The following RIT2 variants were observed in gnomAD, a reference collection of about 807,000 sequenced individuals.
RIT2 encodes Ras like without CAAX 2, also known as GTP-binding protein Rit2.
RIT2 carries 24 observed loss-of-function variants against 23.7 expected under a neutral mutation model. The ratio of observed to expected loss-of-function variants is 1.01; its 90% CI spans 0.73 to 1.43. RIT2 has a LOEUF of 1.43. Among genes scored for constraint, RIT2 ranks in the 40% most tolerant of loss-of-function variants. The probability of loss-of-function intolerance (pLI) is 0.00; values close to 1 mark genes in which losing one functional copy is unlikely to be tolerated. For missense variants in RIT2, 236 were observed against 266.9 expected, an observed-to-expected ratio of 0.88 and a Z score of 0.81; for synonymous variants, 107 against 91.1, an observed-to-expected ratio of 1.17 and a Z score of -0.99.
At position 42,856,827 on chromosome 18, in the gene RIT2, C is replaced by CTT. The variant is rs756725926; in HGVS notation, c.426+66743_426+66744dup. 7.7e-3 allele frequency among the ~76,000 whole-genome samples: 886 copies of CTT among 114,536 alleles called. 13 individuals carry two copies. Among genetic ancestry groups the CTT allele is most frequent in the African/African-American group, 9.0e-3 (238 of 26,344 alleles). The allele number at this position is 114,536 out of a possible 152,430, so 75.1% of individuals were successfully genotyped here. ...AAGTCTTTTTCTTTTCTCTCTCTCT[C>CTT]TTTTTTTTTTTTTTTTTTTTGAGAC... On this transcript the variant is annotated intron_variant, in intron 4 of 4. Transcript: ENST00000326695.
chr18:42,816,573 A>G (rs73486754), intron 4 of RIT2, among the ~76,000 whole-genome samples: 5,387 of 152,198 alleles, frequency 0.035, 322 homozygotes, highest in African/African-American at 0.12. Flanking sequence ...CAGGTTTTTA[A>G]GTGTAAATGA....
chr18:42,890,670 A>G lies in RIT2; in HGVS notation c.426+32902T>C, dbSNP rs144652933. Among the ~76,000 whole-genome samples the G allele has an allele frequency of 2.8e-4, 42 of 152,274 alleles. 2 individuals are homozygous for G. In the Middle Eastern group the frequency reaches 0.014, roughly 49 times the overall value. ...AAAGGTCCAGAATTATCTTCTTGTTAAACGTTTACTAAATAATGGCCAAGG... is the reference window on the plus strand; with the variant it reads ...AAAGGTCCAGAATTATCTTCTTGTTGAACGTTTACTAAATAATGGCCAAGG... On this transcript the variant is annotated intron_variant, in intron 4 of 4. Coordinates refer to ENST00000326695, the MANE Select transcript of RIT2 (RefSeq NM_002930.4).
At chr18:43,069,373 C>A (rs935472301) in intron 1 of RIT2, among the ~76,000 whole-genome samples, 2 of 152,110 alleles carry the variant, frequency 1.3e-5, no homozygotes, top group Non-Finnish European at 2.9e-5. Context: ...GCTCTGAATT[C>A]TTTCTTGCGT....
intron 1 of RIT2, among the ~76,000 whole-genome samples, chr18:43,098,482 A>C (rs1264520251): frequency 6.6e-6 from 1 of 151,918 alleles, no homozygotes; most frequent in African/African-American, 2.4e-5. Context: ...TGTAAATAAT[A>C]AATGCTTTTA....
At chr18:42,796,387 C>G (rs1036757475) in intron 4 of RIT2, among the ~76,000 whole-genome samples, 1 of 152,190 alleles carries the variant, frequency 6.6e-6, no homozygotes, top group Non-Finnish European at 1.5e-5. Flanking sequence ...TCCAGACGCA[C>G]CACCTTAAGA....
At chr18:42,850,973 T>C (rs921255566) in intron 4 of RIT2, among the ~76,000 whole-genome samples, 1 of 152,220 alleles carries the variant, frequency 6.6e-6, no homozygotes, top group Non-Finnish European at 1.5e-5. Flanking sequence ...CCAGATGTTA[T>C]ATATTTTTCA....
intron 1 of RIT2, among the ~76,000 whole-genome samples, chr18:43,078,744 C>A (rs1452063873): frequency 6.6e-6 from 1 of 152,182 alleles, no homozygotes; most frequent in African/African-American, 2.4e-5. Context: ...GAGCTTTGGA[C>A]CCAGGAGAGT....
At chr18:42,797,563 G>C (rs1248790848) in intron 4 of RIT2, among the ~76,000 whole-genome samples, 1 of 152,036 alleles carries the variant, frequency 6.6e-6, no homozygotes, top group African/African-American at 2.4e-5. Context: ...ATTGTTTGTT[G>C]CAAAACATGA....
intron 4 of RIT2, among the ~76,000 whole-genome samples, chr18:42,902,274 T>C (rs1015918192): frequency 1.2e-4 from 18 of 151,872 alleles, no homozygotes; most frequent in African/African-American, 4.3e-4. Context: ...TCAGAACTAC[T>C]GGTATTTATG....
intron 2 of RIT2, among the ~76,000 whole-genome samples, chr18:42,993,176 C>T (rs548920762): frequency 7.9e-5 from 12 of 152,318 alleles, no homozygotes; most frequent in African/African-American, 2.9e-4. Flanking sequence ...GCCACTGGGC[C>T]AAGGAATGCC....
chr18:42,941,978 A>C (rs889579241), intron 3 of RIT2, among the ~76,000 whole-genome samples: 12 of 152,216 alleles, frequency 7.9e-5, no homozygotes, highest in African/African-American at 2.9e-4. Flanking sequence ...AATCTCTGTC[A>C]TTTCCATTAT....
chr18:43,071,881 CT>C (rs58866562), intron 1 of RIT2, among the ~76,000 whole-genome samples: 11,000 of 151,980 alleles, frequency 0.072, 782 homozygotes, highest in East Asian at 0.36. Flanking sequence ...CATACTATAC[CT>C]TTTTTTGTTC....
At chr18:42,963,337 G>T (rs1263195289) in intron 3 of RIT2, among the ~76,000 whole-genome samples, 1 of 152,086 alleles carries the variant, frequency 6.6e-6, no homozygotes, top group Admixed American at 6.6e-5. Context: ...CAAGACCCCA[G>T]GCACAGACAG....
chr18:43,088,682 AT>A (rs917179528), intron 1 of RIT2, among the ~76,000 whole-genome samples: 4 of 152,130 alleles, frequency 2.6e-5, no homozygotes, highest in Admixed American at 1.3e-4. Flanking sequence ...AACATAGTGC[AT>A]TTGGTCTGAC....
chr18:42,767,966 A>G (rs1598646090), intron 4 of RIT2, among the ~76,000 whole-genome samples: 1 of 151,252 alleles, frequency 6.6e-6, no homozygotes, highest in African/African-American at 2.4e-5. Flanking sequence ...GTCCAATTAA[A>G]CCTTTTTTTT....
At chr18:42,858,166 A>G (rs686074) in intron 4 of RIT2, among the ~76,000 whole-genome samples, 75,820 of 152,084 alleles carry the variant, frequency 0.5, 21,136 homozygotes, top group African/African-American at 0.77. Flanking sequence ...GAGCGAAAGA[A>G]TGAGACTCTG....
chr18:42,910,188 A>G (rs1024860772), intron 4 of RIT2, among the ~76,000 whole-genome samples: 7 of 152,292 alleles, frequency 4.6e-5, no homozygotes, highest in Admixed American at 3.3e-4. Flanking sequence ...ACAATGGCCA[A>G]TTGAGAAAGA....
chr18:42,760,469 G>T (rs1435851465), intron 4 of RIT2, among the ~76,000 whole-genome samples: 5 of 152,300 alleles, frequency 3.3e-5, no homozygotes, highest in African/African-American at 9.6e-5. Context: ...CACTGCAATG[G>T]CTTGTCAGCT....
At chr18:42,758,750 C>G (rs1404280049) in intron 4 of RIT2, among the ~76,000 whole-genome samples, 1 of 150,636 alleles carries the variant, frequency 6.6e-6, no homozygotes, top group African/African-American at 2.4e-5. Context: ...GTCTCAATCT[C>G]CTGACCACAA....
Sources: gnomAD v4.1 joint callset for allele counts (sites outside exome capture counted in the v4.1 genomes callset) on GRCh38, gnomAD v4.1.1 for gene constraint, MANE v1.5 for transcripts, NCBI Gene and HGNC (gene_info 2026-07-23, HGNC 2026-07-21) for gene names.